Variants in ENTREP2 observed in about 807,000 individuals in gnomAD.
The protein encoded by ENTREP2 is protein ENTREP2.
chr15:29,245,360 C>A, the ENTREP2 span, among the ~76,000 whole-genome samples: 9 of 151,670 alleles, frequency 5.9e-5, no homozygotes, highest in African/African-American at 2.2e-4. Flanking sequence ...AAATAAAACC[C>A]GAAAATACTG....
chr15:29,544,922 C>G, the ENTREP2 span, among the ~76,000 whole-genome samples: 3 of 152,196 alleles, frequency 2.0e-5, no homozygotes, highest in Non-Finnish European at 4.4e-5. Flanking sequence ...TGACACGTAT[C>G]TGCATGGCAG....
At chr15:29,196,590 T>G in the ENTREP2 span, 1 of 1,537,416 alleles carries the variant, frequency 6.5e-7, no homozygotes, top group Non-Finnish European at 8.8e-7. Flanking sequence ...CAGACAGACC[T>G]CACCGTTAAC....
At chr15:29,186,080 TTC>T in the ENTREP2 span, among the ~76,000 whole-genome samples, 1 of 152,106 alleles carries the variant, frequency 6.6e-6, no homozygotes, top group South Asian at 2.1e-4. Flanking sequence ...CTCCCGTACT[TTC>T]TGTTTGGACA....
At chr15:29,225,608 C>A in the ENTREP2 span, among the ~76,000 whole-genome samples, 6 of 152,342 alleles carry the variant, frequency 3.9e-5, no homozygotes, top group East Asian at 1.2e-3. Context: ...CAGAAAAAAA[C>A]TACCAGAGGC....
the ENTREP2 span, among the ~76,000 whole-genome samples, chr15:29,239,030 T>G: frequency 2.0e-4 from 30 of 152,166 alleles, no homozygotes; most frequent in African/African-American, 6.0e-4. Context: ...TAAAATTGTT[T>G]TGTTTTTTGA....
the ENTREP2 span, among the ~76,000 whole-genome samples, chr15:29,231,221 TCTACTACGATG>T: frequency 1.3e-5 from 2 of 152,356 alleles, no homozygotes; most frequent in Middle Eastern, 3.4e-3. Context: ...TTTCTGATAG[TCTACTACGATG>T]CAGCTTCTGC....
the ENTREP2 span, among the ~76,000 whole-genome samples, chr15:29,127,567 G>C: frequency 6.6e-6 from 1 of 152,186 alleles, no homozygotes; most frequent in Non-Finnish European, 1.5e-5. Context: ...GACAGGGAAG[G>C]GTTGAGGGTC....
chr15:29,491,830 C>T, the ENTREP2 span, among the ~76,000 whole-genome samples: 128 of 152,272 alleles, frequency 8.4e-4, no homozygotes, highest in African/African-American at 2.8e-3. Context: ...TCACAGTAGA[C>T]ATTAAAGTTA....
chr15:29,656,724 A>G, the ENTREP2 span, among the ~76,000 whole-genome samples: 1 of 152,180 alleles, frequency 6.6e-6, no homozygotes, highest in Non-Finnish European at 1.5e-5. Context: ...GTGGTGCAAC[A>G]GACTCTCTCA....
the ENTREP2 span, among the ~76,000 whole-genome samples, chr15:29,176,861 G>A: frequency 1.3e-5 from 2 of 152,202 alleles, no homozygotes. Context: ...GCCCAGGTTG[G>A]TGTCTGTGCC....
the ENTREP2 span, chr15:29,123,505 G>GC: frequency 6.4e-7 from 1 of 1,551,736 alleles, no homozygotes; most frequent in Non-Finnish European, 8.7e-7. Context: ...ATCCGCATAG[G>GC]CCTTGCTGTC....
chr15:29,310,380 C>T, the ENTREP2 span, among the ~76,000 whole-genome samples: 12 of 152,170 alleles, frequency 7.9e-5, no homozygotes, highest in South Asian at 1.2e-3. Context: ...GACTGAGGGA[C>T]GGATGACGCT....
At chr15:29,277,928 A>T in the ENTREP2 span, among the ~76,000 whole-genome samples, 1 of 152,376 alleles carries the variant, frequency 6.6e-6, no homozygotes, top group Non-Finnish European at 1.5e-5. Flanking sequence ...AGGTTATGAG[A>T]AAACTGAACA....
the ENTREP2 span, among the ~76,000 whole-genome samples, chr15:29,536,317 A>C: frequency 6.6e-6 from 1 of 152,322 alleles, no homozygotes; most frequent in South Asian, 2.1e-4. Flanking sequence ...GATTCAGGTT[A>C]AATTAAGATA....
chr15:29,152,918 T>A, the ENTREP2 span, among the ~76,000 whole-genome samples: 1 of 152,142 alleles, frequency 6.6e-6, no homozygotes, highest in African/African-American at 2.4e-5. Flanking sequence ...AGTGTATGAG[T>A]GATTGGGTTT....
At chr15:29,314,000 A>G in the ENTREP2 span, among the ~76,000 whole-genome samples, 11 of 152,228 alleles carry the variant, frequency 7.2e-5, no homozygotes, top group Non-Finnish European at 1.2e-4. Flanking sequence ...AAGTAATCAC[A>G]GATGTGGTAG....
the ENTREP2 span, among the ~76,000 whole-genome samples, chr15:29,381,102 G>A: frequency 7.2e-6 from 1 of 138,570 alleles, no homozygotes; most frequent in Non-Finnish European, 1.6e-5. Flanking sequence ...TGCCCGCCTC[G>A]GCACCCCAAA....
the ENTREP2 span, among the ~76,000 whole-genome samples, chr15:29,604,851 C>A: frequency 0.2 from 30,296 of 152,100 alleles, 3,365 homozygotes; most frequent in Middle Eastern, 0.32. Flanking sequence ...TGTGACTTGG[C>A]CCCCAAAGGG....
chr15:29,654,844 G>T, the ENTREP2 span, among the ~76,000 whole-genome samples: 2 of 152,128 alleles, frequency 1.3e-5, no homozygotes, highest in Non-Finnish European at 2.9e-5. Context: ...GTTGCAGCTG[G>T]ATCAATGAGA....
Sources: allele counts gnomAD v4.1 joint callset (sites outside exome capture counted in the v4.1 genomes callset), GRCh38; gene constraint gnomAD v4.1.1; transcripts MANE v1.5; gene names NCBI Gene and HGNC (gene_info 2026-07-23, HGNC 2026-07-21).